Variants in SMU1 observed in about 807,000 individuals in gnomAD.
SMU1 encodes WD40 repeat-containing protein SMU1.
SMU1 carries 2 observed loss-of-function variants against 62.0 expected under a neutral mutation model. The ratio of observed to expected loss-of-function variants is 0.03; its 90% CI spans 0.01 to 0.10. The LOEUF (loss-of-function observed/expected upper bound fraction) is 0.10, where lower values mean the gene tolerates loss of function less well. Ranked by LOEUF, SMU1 falls within the 10% of genes least tolerant of loss-of-function variation. The pLI is 1.00. For synonymous variants in SMU1, 188 were observed against 212.4 expected (o/e 0.89, Z 1.00); for missense variants, 227 against 622.1 (o/e 0.36, Z 6.76).
chr9:33,053,861 T>C (rs995180049), intron 9 of SMU1, among the ~76,000 whole-genome samples: 6 of 152,260 alleles, frequency 3.9e-5, no homozygotes, highest in Admixed American at 6.5e-5. Context: ...CTTAAAAACT[T>C]TTAAAAATCT....
In SMU1 at chr9:33,043,206, C is replaced by G. The variant is rs1270209990; in HGVS notation, c.*4087G>C. The G allele has an allele frequency of 6.6e-6, 1 of 152,162 alleles. No individual in the cohort carries two copies. The highest frequency in any genetic ancestry group is 1.5e-5 in the Non-Finnish European group (1 of 68,040). 9.4% of individuals were successfully genotyped at this position (152,162 alleles called of 1,614,324 possible). The stretch of plus-strand genomic sequence containing the variant: ...CATACACTTCATAGCAATTTCTTCT[C>G]TTAAAATAGTGGAAAATGAAGCTGT... On this transcript the variant is annotated 3_prime_UTR_variant, in exon 12 of 12. Coordinates refer to ENST00000397149, the MANE Select transcript of SMU1 (RefSeq NM_018225.3).
Position 33,073,698 on chromosome 9 carries a change from C to T in SMU1, c.135G>A (p.Glu45=). Reference sequence around the variant, plus strand: ...CACTGTTAATGTCAGCCACAAAACTCTCAATGCTGTCCACAGTATTCAGAG... The same window carrying T: ...CACTGTTAATGTCAGCCACAAAACTTTCAATGCTGTCCACAGTATTCAGAG... The part of the protein sequence containing the change: ...TVSLNTVDSI[E]SFVADINSGH... Residue 45 remains glutamate (E), a synonymous_variant, in exon 2 of 12, where the codon GAG becomes GAA. Transcript: ENST00000397149. 1.2e-6 allele frequency: 2 copies of T among 1,614,098 alleles called. No homozygotes were observed. Among genetic ancestry groups the T allele is most frequent in the Non-Finnish European group, 1.7e-6 (2 of 1,179,992 alleles).
chr9:33,073,851 G>A, intron 1 of SMU1, 45 bp from the exon 2 acceptor site: 1 of 1,565,752 alleles, frequency 6.4e-7, no homozygotes, highest in South Asian at 1.1e-5. Context: ...TCACTCACCA[G>A]AGGTCAAAAA....
chr9:33,058,684 A>G (rs1163973978), intron 6 of SMU1, among the ~76,000 whole-genome samples: 1 of 152,200 alleles, frequency 6.6e-6, no homozygotes, highest in Non-Finnish European at 1.5e-5. Flanking sequence ...ACCAACTTGG[A>G]TCTATACCAA....
In SMU1 at chr9:33,055,936, C is replaced by A. The variant is rs572852786; in HGVS notation, c.1122+177G>T. On this transcript the variant is annotated intron_variant, in intron 9 of 11. Transcript: ENST00000397149. ...AAGGTTTGAGATTGGGGTCCCAAGG[C>A]CAATGGGAATTACCCACAGAATACT... Among the ~76,000 whole-genome samples the A allele has an allele frequency of 4.6e-5, 7 of 152,288 alleles. No individual in the cohort carries two copies. In the East Asian group the frequency reaches 1.3e-3, roughly 29 times the overall value.
rs375336002 is a variant in SMU1 at position 33,075,128 on chromosome 9, CCA to C, written c.27-1324_27-1323del. The stretch of plus-strand genomic sequence containing the variant: ...GCGGTGGCTCACGCCTGTAATCTCA[CCA>C]CTTTGGAAGGCCGAGGCGGGCAGAT... On this transcript the variant is annotated intron_variant, in intron 1 of 11. Transcript: ENST00000397149. Among the ~76,000 whole-genome samples the C allele has an allele frequency of 4.9e-4, 75 of 152,252 alleles. No individual in the cohort carries two copies. The East Asian group carries it at 8.5e-3, about 17-fold the overall frequency.
rs1839181276 is a variant in SMU1 at position 33,046,012 on chromosome 9, A to G, written c.*1281T>C. ...TCTTGAAAGTACTGCCTAGCATGGT[A>G]TCTTCCTCATCATCAGAGGTGCTCT... On this transcript the variant is annotated 3_prime_UTR_variant, in exon 12 of 12. Coordinates refer to ENST00000397149, the MANE Select transcript of SMU1 (RefSeq NM_018225.3). The G allele has an allele frequency of 6.6e-6, 1 of 152,230 alleles. No individual in the cohort carries two copies. Among genetic ancestry groups the G allele is most frequent in the Non-Finnish European group, 1.5e-5 (1 of 68,036 alleles). The allele number at this position is 152,230 out of a possible 1,614,324, so 9.4% of individuals were successfully genotyped here. A position where few individuals can be genotyped will look rare whatever the true frequency, so the allele number is the denominator to read the frequency against.
intron 8 of SMU1, 88 bp downstream of exon 8, chr9:33,056,749 G>T: frequency 7.2e-7 from 1 of 1,398,048 alleles, no homozygotes. Context: ...AAAGCATCAT[G>T]GTAAAAGCGT....
At chr9:33,059,527 T>G (rs1839339663) in intron 6 of SMU1, among the ~76,000 whole-genome samples, 2 of 147,880 alleles carry the variant, frequency 1.4e-5, no homozygotes, top group Admixed American at 1.4e-4. Context: ...GAGGCGGAGG[T>G]TGCAGTGAGC....
rs1416513795 is a variant in SMU1, at chr9:33,050,918, G to A, written c.1290+2205C>T. ...GGGCGGATCACGAGGTCAGGAGATC[G>A]AGACCATCCTGGCTAACACGGTGAA... On this transcript the variant is annotated intron_variant, in intron 10 of 11. Transcript: ENST00000397149. Among the ~76,000 whole-genome samples, 35 of 76,414 alleles carry A rather than the reference G, an allele frequency of 4.6e-4. 7 individuals are homozygous for A. The highest frequency in any genetic ancestry group is 0.014 in the Middle Eastern group (2 of 144). 50.1% of individuals were successfully genotyped at this position (76,414 alleles called of 152,430 possible).
rs1839144590 is a variant in SMU1, at chr9:33,043,186, A to G, written c.*4107T>C. 1.3e-5 allele frequency: 2 copies of G among 152,170 alleles called. No homozygotes were observed. Among genetic ancestry groups the G allele is most frequent in the Admixed American group, 1.3e-4 (2 of 15,278 alleles). The allele number at this position is 152,170 out of a possible 1,614,324, so 9.4% of individuals were successfully genotyped here. On this transcript the variant is annotated 3_prime_UTR_variant, in exon 12 of 12. Transcript: ENST00000397149. ...AGGGAACTTCCTCACTTGGACATAC[A>G]CTTCATAGCAATTTCTTCTCTTAAA... is the stretch of plus-strand genomic sequence containing the variant.
intron 1 of SMU1, among the ~76,000 whole-genome samples, chr9:33,075,892 C>G (rs1270220869): frequency 6.6e-6 from 1 of 152,134 alleles, no homozygotes; most frequent in Admixed American, 6.5e-5. Flanking sequence ...ATTCTCATCC[C>G]CTATTCCTTG....
At chr9:33,074,312 A>T (rs1455808736) in intron 1 of SMU1, among the ~76,000 whole-genome samples, 1 of 151,898 alleles carries the variant, frequency 6.6e-6, no homozygotes, top group African/African-American at 2.4e-5. Context: ...ATTTTTTTTT[A>T]AATTAGCCAA....
At position 33,045,206 on chromosome 9, in the gene SMU1, T is replaced by C. The variant is rs1227060507; in HGVS notation, c.*2087A>G. ...CATGAGGTCAAGACTAAATCAAAAA[T>C]TCTCAAGGACTTTTCTAAAAATTTT... On this transcript the variant is annotated 3_prime_UTR_variant, in exon 12 of 12. Transcript: ENST00000397149. 1 of 152,180 alleles carries C rather than the reference T, an allele frequency of 6.6e-6. No homozygotes were observed. The highest frequency in any genetic ancestry group is 2.4e-5 in the African/African-American group (1 of 41,428). 9.4% of individuals were successfully genotyped at this position (152,180 alleles called of 1,614,324 possible).
chr9:33,073,098 GACTA>G (rs1482847023), intron 2 of SMU1, among the ~76,000 whole-genome samples: 1 of 152,052 alleles, frequency 6.6e-6, no homozygotes, highest in African/African-American at 2.4e-5. Flanking sequence ...TTATCAGAAA[GACTA>G]ACTATGTGAT....
chr9:33,053,226 G>A lies in SMU1; in HGVS notation c.1187C>T (p.Thr396Ile). The change falls in exon 10 of 12, where the codon ACA becomes ATA. Residue 396 changes from threonine (T) to isoleucine (I), a missense_variant. Thr to Ile is a moderately conservative substitution (Grantham distance 89). This residue lies in a region of SMU1 where 98 missense variants were observed against 195.9 expected (regional missense o/e 0.50). Transcript: ENST00000397149. Reference sequence around the variant, plus strand: ...AATCACACTGTTGACGGTAATATCTGTCCCTGCGGTGCTGCCCAGGGATTT... The same window carrying A: ...AATCACACTGTTGACGGTAATATCTATCCCTGCGGTGCTGCCCAGGGATTT... ...TFKSLGSTAG[T>I]DITVNSVILL... The A allele has an allele frequency of 1.9e-6, 3 of 1,612,536 alleles. No homozygotes were observed. Among genetic ancestry groups the A allele is most frequent in the Admixed American group, 1.7e-5 (1 of 60,022 alleles).
rs1029115157 is a variant in SMU1 at position 33,045,079 on chromosome 9, A to T, written c.*2214T>A. 2 of 152,190 alleles carry T rather than the reference A, an allele frequency of 1.3e-5. No individual in the cohort carries two copies. Among genetic ancestry groups the T allele is most frequent in the African/African-American group, 2.4e-5 (1 of 41,446 alleles). 9.4% of individuals were successfully genotyped at this position (152,190 alleles called of 1,614,324 possible). A position where few individuals can be genotyped will look rare whatever the true frequency, so the allele number is the denominator to read the frequency against. ...ATTCATCACCTGGTGCCAGCAACAG[A>T]AGTGTTCCCTAAAAATTCCTAGAAT... On this transcript the variant is annotated 3_prime_UTR_variant, in exon 12 of 12. Transcript: ENST00000397149.
intron 6 of SMU1, among the ~76,000 whole-genome samples, chr9:33,059,903 C>A (rs866307255): frequency 6.6e-6 from 1 of 151,754 alleles, no homozygotes; most frequent in African/African-American, 2.4e-5. Flanking sequence ...TGAGCCATCA[C>A]GCCCAGCCTG....
chr9:33,060,107 T>C (rs1484410702), intron 6 of SMU1, among the ~76,000 whole-genome samples: 1 of 152,178 alleles, frequency 6.6e-6, no homozygotes, highest in African/African-American at 2.4e-5. Flanking sequence ...ACTCCTGGCT[T>C]GAGGGATCCT....
Sources: allele counts gnomAD v4.1 joint callset (sites outside exome capture counted in the v4.1 genomes callset), GRCh38; gene constraint gnomAD v4.1.1; regional missense constraint gnomAD v4.1.1; transcripts MANE v1.5; gene names NCBI Gene and HGNC (gene_info 2026-07-23, HGNC 2026-07-21).